The following CCNY variants were observed in gnomAD, a reference collection of about 807,000 sequenced individuals.
CCNY encodes the protein cyclin-Y.
In CCNY, 19 loss-of-function variants were observed where a neutral mutation model predicts 42.8. The ratio of observed to expected loss-of-function variants is 0.44; its 90% CI spans 0.31 to 0.65. The LOEUF is 0.65. Among genes scored for constraint, CCNY ranks in the 30% least tolerant of loss-of-function variants. The pLI is 0.07. For missense variants in CCNY, 370 were observed against 437.3 expected, an observed-to-expected ratio of 0.85 and a Z score of 1.37; for synonymous variants, 165 against 162.7, an observed-to-expected ratio of 1.01 and a Z score of -0.11.
chr10:35,263,153 G>A (rs1004993033), intron 3 of CCNY, among the ~76,000 whole-genome samples: 11 of 151,806 alleles, frequency 7.2e-5, no homozygotes, highest in African/African-American at 1.2e-4. Context: ...TTAGGGGATC[G>A]AGGCCATCCT....
intron 1 of CCNY, among the ~76,000 whole-genome samples, chr10:35,474,090 G>A (rs1839449282): frequency 6.6e-6 from 1 of 152,146 alleles, no homozygotes; most frequent in Non-Finnish European, 1.5e-5. Context: ...TTTTCCAACG[G>A]GCTTAAAAAA....
chr10:35,327,204 T>A (rs1397243030), intron 3 of CCNY, among the ~76,000 whole-genome samples: 2 of 152,200 alleles, frequency 1.3e-5, no homozygotes, highest in African/African-American at 2.4e-5. Context: ...AAAAGTCAAC[T>A]AAGTTAATCA....
chr10:35,412,768 G>A (rs758376326), intron 1 of CCNY, among the ~76,000 whole-genome samples: 3 of 148,480 alleles, frequency 2.0e-5, no homozygotes, highest in Non-Finnish European at 3.0e-5. Context: ...GGCTGAGGCA[G>A]GAGAATTGCT....
intron 1 of CCNY, among the ~76,000 whole-genome samples, chr10:35,473,626 A>G (rs921594308): frequency 4.6e-5 from 7 of 152,232 alleles, no homozygotes; most frequent in Non-Finnish European, 7.3e-5. Flanking sequence ...TTTAAAAATG[A>G]ATAATAAACT....
Position 35,336,523 on chromosome 10 carries a change from C to G in CCNY, c.-531C>G, listed in dbSNP as rs920861449. 1 of 149,390 alleles carries G rather than the reference C, an allele frequency of 6.7e-6. No homozygotes were observed. Among genetic ancestry groups the G allele is most frequent in the Admixed American group, 6.6e-5 (1 of 15,042 alleles). The allele number at this position is 149,390 out of a possible 1,614,324, so 9.3% of individuals were successfully genotyped here. On this transcript the variant is annotated 5_prime_UTR_variant, in exon 1 of 10. Transcript: ENST00000374704. ...GGGCCGCCAGCATCCTCCCTGGCCGCGCCGCACCGCGCCGCGAGGAGTCCG... is the reference window on the plus strand; with the variant it reads ...GGGCCGCCAGCATCCTCCCTGGCCGGGCCGCACCGCGCCGCGAGGAGTCCG...
chr10:35,534,372 A>G (rs1423772971), intron 7 of CCNY, among the ~76,000 whole-genome samples: 1 of 152,200 alleles, frequency 6.6e-6, no homozygotes, highest in African/African-American at 2.4e-5. Flanking sequence ...CTTCGGGGAC[A>G]TCACTCAACT....
intron 1 of CCNY, among the ~76,000 whole-genome samples, chr10:35,479,068 A>G (rs1256842466): frequency 2.1e-4 from 32 of 152,170 alleles, no homozygotes; most frequent in Non-Finnish European, 2.4e-4. Flanking sequence ...ACCATCTCAC[A>G]CCAGTTAGAA....
intron 1 of CCNY, among the ~76,000 whole-genome samples, chr10:35,338,044 T>A (rs764916121): frequency 6.6e-6 from 1 of 152,234 alleles, no homozygotes; most frequent in Non-Finnish European, 1.5e-5. Flanking sequence ...TGCATCATGC[T>A]TAAAATATAG....
chr10:35,311,818 T>C (rs1032893877), intron 3 of CCNY, among the ~76,000 whole-genome samples: 1 of 151,896 alleles, frequency 6.6e-6, no homozygotes, highest in African/African-American at 2.4e-5. Context: ...ACACCCCCTC[T>C]CTACAAAAAA....
Position 35,406,865 on chromosome 10 carries a change from C to A in CCNY, c.154+69658C>A, listed in dbSNP as rs569178927. Among the ~76,000 whole-genome samples the A allele has an allele frequency of 7.8e-4, 118 of 151,916 alleles. 2 individuals carry two copies. The South Asian group carries it at 0.024, about 31-fold the overall frequency. On this transcript the variant is annotated intron_variant, in intron 1 of 9. Transcript: ENST00000374704. ...CGGCTGGCCGGGCGGGGGGCTGACC[C>A]CCCCCCACCTCCGTCCCCGTCGGGG...
chr10:35,565,042 G>T (rs1480739711), intron 8 of CCNY, among the ~76,000 whole-genome samples: 1 of 152,172 alleles, frequency 6.6e-6, no homozygotes, highest in Non-Finnish European at 1.5e-5. Flanking sequence ...GAATCTGAGT[G>T]CATGACCCAG....
At chr10:35,444,898 G>A (rs1838758078) in intron 1 of CCNY, among the ~76,000 whole-genome samples, 1 of 152,188 alleles carries the variant, frequency 6.6e-6, no homozygotes, top group African/African-American at 2.4e-5. Flanking sequence ...TTAAATCAAG[G>A]TGGTGGAAGC....
intron 1 of CCNY, among the ~76,000 whole-genome samples, chr10:35,483,135 G>C (rs1217805969): frequency 6.6e-6 from 1 of 152,160 alleles, no homozygotes; most frequent in Non-Finnish European, 1.5e-5. Flanking sequence ...AGTATATTGG[G>C]TGCAGAGCAG....
chr10:35,561,566 C>T, intron 8 of CCNY, among the ~76,000 whole-genome samples: 1 of 152,168 alleles, frequency 6.6e-6, no homozygotes. Context: ...AGGGAGAGGG[C>T]TCACAGGTTT....
chr10:35,515,980 C>G (rs1218822316), intron 3 of CCNY, among the ~76,000 whole-genome samples: 1 of 152,166 alleles, frequency 6.6e-6, no homozygotes, highest in African/African-American at 2.4e-5. Context: ...CTTACTTTGT[C>G]CTTAACAAAG....
intron 1 of CCNY, among the ~76,000 whole-genome samples, chr10:35,380,860 C>G (rs1653550559): frequency 6.6e-6 from 1 of 152,164 alleles, no homozygotes; most frequent in African/African-American, 2.4e-5. Context: ...ACCAAGAGAT[C>G]TCACTCCTTC....
chr10:35,386,836 C>T (rs1219249524), intron 1 of CCNY, among the ~76,000 whole-genome samples: 3 of 151,536 alleles, frequency 2.0e-5, no homozygotes, highest in Non-Finnish European at 2.9e-5. Context: ...TTTAGTAAAA[C>T]CTGTTTTTTT....
chr10:35,460,682 A>T (rs1298188149), intron 1 of CCNY, among the ~76,000 whole-genome samples: 1 of 152,236 alleles, frequency 6.6e-6, no homozygotes. Flanking sequence ...GAACATATTT[A>T]ATGTGTTATC....
intron 3 of CCNY, chr10:35,315,516 A>T (rs1835749629): frequency 6.6e-6 from 1 of 152,170 alleles, no homozygotes. Context: ...TCTACTGTTG[A>T]TGAGCATTTA....
Sources: allele counts gnomAD v4.1 joint callset (sites outside exome capture counted in the v4.1 genomes callset), GRCh38; gene constraint gnomAD v4.1.1; transcripts MANE v1.5; gene names NCBI Gene and HGNC (gene_info 2026-07-23, HGNC 2026-07-21).